The following MGAT4C variants were observed in gnomAD, a reference collection of about 807,000 sequenced individuals.
MGAT4C encodes MGAT4 family member C.
A neutral mutation model predicts 40.1 loss-of-function variants in MGAT4C; 19 were observed. The observed-to-expected ratio is 0.47, with a 90% CI of 0.33 to 0.70. The LOEUF is 0.70. Ranked by LOEUF, MGAT4C falls within the 30% of genes least tolerant of loss-of-function variation. MGAT4C has a pLI of 0.02. For synonymous variants in MGAT4C, 181 were observed against 187.1 expected (o/e 0.97, Z 0.27); for missense variants, 491 against 563.2 (o/e 0.87, Z 1.30).
At chr12:86,328,856 A>C (rs1301111023) in intron 4 of MGAT4C, among the ~76,000 whole-genome samples, 1 of 152,148 alleles carries the variant, frequency 6.6e-6, no homozygotes, top group Non-Finnish European at 1.5e-5. Flanking sequence ...CTGTAATCTC[A>C]GCACTTTGGG....
intron 2 of MGAT4C, among the ~76,000 whole-genome samples, chr12:86,654,934 A>T (rs983582940): frequency 6.6e-6 from 1 of 152,070 alleles, no homozygotes; most frequent in Non-Finnish European, 1.5e-5. Flanking sequence ...TAAATAAATT[A>T]TAGAACATGA....
rs1466639829 is a variant in MGAT4C at position 85,962,744 on chromosome 12, A to T, written c.*16545T>A. Reference sequence around the variant, plus strand: ...ATGAAAAAAATCATTATTTTTATTAATCCCAAGATATTTTATTTCATTATA... The same window carrying T: ...ATGAAAAAAATCATTATTTTTATTATTCCCAAGATATTTTATTTCATTATA... On this transcript the variant is annotated 3_prime_UTR_variant, in exon 5 of 5. Coordinates refer to ENST00000611864, the MANE Select transcript of MGAT4C (RefSeq NM_001351288.2). The T allele has an allele frequency of 6.6e-6, 1 of 151,210 alleles. No homozygotes were observed. The highest frequency in any genetic ancestry group is 1.9e-4 in the East Asian group (1 of 5,170). 9.4% of individuals were successfully genotyped at this position (151,210 alleles called of 1,614,324 possible).
At chr12:86,573,998 C>A (rs191866242) in intron 2 of MGAT4C, among the ~76,000 whole-genome samples, 43 of 151,898 alleles carry the variant, frequency 2.8e-4, no homozygotes, top group Non-Finnish European at 5.6e-4. Context: ...TATACTCTTA[C>A]ACAAGGTACG....
At chr12:86,467,129 A>G (rs1957693280) in intron 2 of MGAT4C, among the ~76,000 whole-genome samples, 1 of 152,156 alleles carries the variant, frequency 6.6e-6, no homozygotes, top group South Asian at 2.1e-4. Context: ...TTGAAGCTCC[A>G]TATGACCAAA....
At chr12:86,186,966 A>G (rs1004655123) in intron 1 of MGAT4C, among the ~76,000 whole-genome samples, 15 of 152,150 alleles carry the variant, frequency 9.9e-5, no homozygotes, top group Non-Finnish European at 1.8e-4. Context: ...GCCATGAATA[A>G]TCTATATATT....
chr12:86,125,930 G>T (rs1239847747), intron 1 of MGAT4C, among the ~76,000 whole-genome samples: 1 of 140,592 alleles, frequency 7.1e-6, no homozygotes, highest in East Asian at 2.1e-4. Context: ...TTCACTAAAA[G>T]AAAATGTCTT....
At chr12:86,613,061 C>A (rs928585043) in intron 2 of MGAT4C, among the ~76,000 whole-genome samples, 1 of 152,062 alleles carries the variant, frequency 6.6e-6, no homozygotes, top group East Asian at 1.9e-4. Flanking sequence ...ATTACATAAT[C>A]TATTTTCCTG....
intron 1 of MGAT4C, among the ~76,000 whole-genome samples, chr12:86,060,792 C>T (rs2137001211): frequency 6.6e-6 from 1 of 152,092 alleles, no homozygotes; most frequent in African/African-American, 2.4e-5. Context: ...GAGTGAAATC[C>T]TTGGTTTGAA....
intron 1 of MGAT4C, among the ~76,000 whole-genome samples, chr12:86,796,323 A>T (rs574995093): frequency 6.6e-6 from 1 of 152,078 alleles, no homozygotes; most frequent in East Asian, 1.9e-4. Context: ...TTTGTGCTAG[A>T]TGTACAGTGG....
intron 1 of MGAT4C, among the ~76,000 whole-genome samples, chr12:86,830,772 G>A (rs150057108): frequency 2.7e-4 from 40 of 149,690 alleles, no homozygotes; most frequent in African/African-American, 6.9e-4. Flanking sequence ...ACAGGTAGAC[G>A]TGGATATCTA....
intron 2 of MGAT4C, among the ~76,000 whole-genome samples, chr12:86,466,208 C>CAAAAAAAAAA (rs35660169): frequency 2.0e-5 from 3 of 149,524 alleles, no homozygotes; most frequent in African/African-American, 7.4e-5. Flanking sequence ...AAGACTCCGT[C>CAAAAAAAAAA]AAAAAAAAAC....
intron 1 of MGAT4C, among the ~76,000 whole-genome samples, chr12:86,762,241 G>T (rs987246728): frequency 6.6e-6 from 1 of 151,808 alleles, no homozygotes; most frequent in East Asian, 1.9e-4. Context: ...TGTAGACATG[G>T]GGTTTCACTA....
upstream of MGAT4C, among the ~76,000 whole-genome samples, chr12:86,258,532 C>T (rs932763319): frequency 2.0e-5 from 3 of 151,878 alleles, no homozygotes; most frequent in Non-Finnish European, 4.4e-5. Flanking sequence ...TTTGTTTGTT[C>T]ATTTATTTAT....
At position 85,997,385 on chromosome 12, in the gene MGAT4C, C is replaced by T. The variant is rs114084152; in HGVS notation, c.-6-7833G>A. Among the ~76,000 whole-genome samples the T allele has an allele frequency of 2.1e-3, 320 of 152,222 alleles. 2 individuals are homozygous for T. Among genetic ancestry groups the T allele is most frequent in the African/African-American group, 7.1e-3 (296 of 41,550 alleles). On this transcript the variant is annotated intron_variant, in intron 2 of 4. Coordinates refer to ENST00000611864, the MANE Select transcript of MGAT4C (RefSeq NM_001351288.2). ...CATTCCACCTCCCAAATCCCATGTC[C>T]TCACATTCCAAAACAATCTCGCCTT... is the stretch of plus-strand genomic sequence containing the variant.
intron 1 of MGAT4C, among the ~76,000 whole-genome samples, chr12:86,136,926 T>C (rs1343885589): frequency 6.6e-6 from 1 of 152,108 alleles, no homozygotes; most frequent in Non-Finnish European, 1.5e-5. Flanking sequence ...AACCTTGTGA[T>C]CCGCCCACAT....
chr12:86,099,628 AC>A (rs945100272), intron 1 of MGAT4C, among the ~76,000 whole-genome samples: 5 of 151,428 alleles, frequency 3.3e-5, no homozygotes, highest in African/African-American at 1.2e-4. Flanking sequence ...TATTGTCTTG[AC>A]TTTTTTCTTT....
chr12:86,129,810 C>T (rs1880904019), intron 1 of MGAT4C, among the ~76,000 whole-genome samples: 1 of 13,156 alleles, frequency 7.6e-5, no homozygotes. Context: ...CCGCCCGCCT[C>T]GGCCTCCCAA....
intron 2 of MGAT4C, among the ~76,000 whole-genome samples, chr12:85,999,583 G>GTATATATATATATATATA (rs67914292): frequency 1.1e-4 from 14 of 122,974 alleles, no homozygotes; most frequent in African/African-American, 3.2e-4. Flanking sequence ...GTGTGTGTGT[G>GTATATATATATATATATA]TATATATATA....
chr12:86,252,452 G>T (rs1193101962), intron 1 of MGAT4C, among the ~76,000 whole-genome samples: 1 of 151,988 alleles, frequency 6.6e-6, no homozygotes, highest in East Asian at 1.9e-4. Flanking sequence ...ATCTTCAACT[G>T]ATAGGTTCTA....
Sources: gnomAD v4.1 joint callset for allele counts (sites outside exome capture counted in the v4.1 genomes callset) on GRCh38, gnomAD v4.1.1 for gene constraint, MANE v1.5 for transcripts, NCBI Gene and HGNC (gene_info 2026-07-23, HGNC 2026-07-21) for gene names.